Variants in MYT1L observed in about 807,000 individuals in gnomAD.
MYT1L encodes myelin transcription factor 1 like, also known as myelin transcription factor 1-like protein.
MYT1L carries 12 observed loss-of-function variants against 126.7 expected under a neutral mutation model. The observed-to-expected ratio is 0.09, with a 90% CI of 0.06 to 0.15. The LOEUF is 0.15. MYT1L is among the 10% of genes least tolerant of loss of function. The probability of loss-of-function intolerance (pLI) is 1.00; values close to 1 mark genes in which losing one functional copy is unlikely to be tolerated. For missense variants in MYT1L, 979 were observed against 1,585.2 expected (o/e 0.62, Z 6.49); for synonymous variants, 541 against 604.2 (o/e 0.90, Z 1.53).
rs910352993 is a variant in MYT1L at position 1,922,493 on chromosome 2, T to C, written c.1276A>G (p.Met426Val). ...AGCAGGGTCAGGTTCCCCTTGGTCA[T>C]GTCGAACACCTCTTCAGACCTGTCC... The part of the protein sequence containing the change: ...NSDRSEEVFD[M>V]TKGNLTLLEK... The change falls in exon 10 of 25, where the codon ATG becomes GTG. Residue 426 changes from methionine (M) to valine (V), a missense_variant. This residue lies in a region of MYT1L where 243 missense variants were observed against 363.9 expected (regional missense o/e 0.67). Coordinates refer to ENST00000647738, the MANE Select transcript of MYT1L (RefSeq NM_001303052.2). This position sits in a 1 kb window ranked among gnomAD's most constrained non-coding sequence, Gnocchi z 7.4. The C allele has an allele frequency of 1.9e-6, 3 of 1,613,982 alleles. No individual in the cohort carries two copies. Among genetic ancestry groups the C allele is most frequent in the East Asian group, 2.2e-5 (1 of 44,868 alleles).
Position 1,903,085 on chromosome 2 carries a change from T to G in MYT1L, c.2027A>C (p.Asp676Ala), listed in dbSNP as rs2050566172. The G allele has an allele frequency of 1.2e-6, 2 of 1,612,780 alleles. No individual in the cohort carries two copies. The highest frequency in any genetic ancestry group is 2.7e-5 in the African/African-American group (2 of 74,912). The change falls in exon 14 of 25, where the codon GAT (aspartate) becomes GCT (alanine). Residue 676 changes from aspartate (D) to alanine (A), a missense_variant. Transcript: ENST00000647738. ...QTRDISPKGY[D>A]DAKRYCKDPS... ...TAAGAGTGTGCACCTCCTACCATCA[T>G]CATATCCTTTGGGGGATATATCCCT... is the stretch of plus-strand genomic sequence containing the variant.
intron 3 of MYT1L, among the ~76,000 whole-genome samples, chr2:2,071,300 A>G (rs1448410570): frequency 6.6e-6 from 1 of 152,200 alleles, no homozygotes; most frequent in East Asian, 1.9e-4. Context: ...TAATAATGAG[A>G]TTAGGATAAT....
chr2:2,045,076 G>T (rs2068014339), intron 4 of MYT1L, among the ~76,000 whole-genome samples: 1 of 152,166 alleles, frequency 6.6e-6, no homozygotes, highest in African/African-American at 2.4e-5. Context: ...CCTGATAATA[G>T]ACCAAGGGCA....
At position 2,224,540 on chromosome 2, in the gene MYT1L, C is replaced by T. The variant is rs2093960224; in HGVS notation, c.-420-51552G>A. Reference sequence around the variant, plus strand: ...CCATTAAGAAAATAAATGTTTCAGGCTGGGCACGGTGGCTGAAGCCTGTAA... The same window carrying T: ...CCATTAAGAAAATAAATGTTTCAGGTTGGGCACGGTGGCTGAAGCCTGTAA... On this transcript the variant is annotated intron_variant, in intron 2 of 24. Coordinates refer to ENST00000647738, the MANE Select transcript of MYT1L (RefSeq NM_001303052.2). The surrounding 1 kb of genome is among the most constrained non-coding windows in gnomAD (Gnocchi z 4.0). 6.6e-6 allele frequency among the ~76,000 whole-genome samples: 1 copy of T among 152,140 alleles called. No individual in the cohort carries two copies. Among genetic ancestry groups the T allele is most frequent in the African/African-American group, 2.4e-5 (1 of 41,442 alleles).
intron 4 of MYT1L, among the ~76,000 whole-genome samples, chr2:2,001,906 G>T (rs143314157): frequency 2.0e-4 from 31 of 152,282 alleles, no homozygotes; most frequent in Middle Eastern, 3.4e-3. Flanking sequence ...TTGCTCAGAG[G>T]TGGGGGGGTC....
intron 13 of MYT1L, among the ~76,000 whole-genome samples, chr2:1,907,813 T>G (rs1279703075): frequency 6.6e-6 from 1 of 152,268 alleles, no homozygotes; most frequent in Non-Finnish European, 1.5e-5. Context: ...GGAGACCCTG[T>G]GGGGAATACA....
At chr2:2,089,841 T>C (rs1026675572) in intron 3 of MYT1L, among the ~76,000 whole-genome samples, 8 of 152,212 alleles carry the variant, frequency 5.3e-5, no homozygotes, top group Non-Finnish European at 8.8e-5. Flanking sequence ...ATTCATTAAA[T>C]AGCCTTGGAC....
At chr2:2,200,157 G>A (rs1246763822) in intron 2 of MYT1L, among the ~76,000 whole-genome samples, 2 of 152,164 alleles carry the variant, frequency 1.3e-5, no homozygotes, top group Non-Finnish European at 2.9e-5. Flanking sequence ...GGCTGCTCGA[G>A]AGGTCCATGA....
At chr2:2,058,457 T>C (rs759961768) in intron 3 of MYT1L, among the ~76,000 whole-genome samples, 2 of 152,222 alleles carry the variant, frequency 1.3e-5, no homozygotes, top group African/African-American at 2.4e-5. Flanking sequence ...CCCTTGTGGA[T>C]TATGTGTGTG....
At chr2:1,949,903 T>C (rs184464177) in intron 8 of MYT1L, among the ~76,000 whole-genome samples, 45 of 152,330 alleles carry the variant, frequency 3.0e-4, no homozygotes, top group Admixed American at 9.1e-4. Context: ...ATAGCCTCCA[T>C]TGGGTCAATG....
At chr2:1,997,743 T>C (rs1192029807) in intron 4 of MYT1L, among the ~76,000 whole-genome samples, 2 of 152,176 alleles carry the variant, frequency 1.3e-5, no homozygotes, top group East Asian at 1.9e-4. Flanking sequence ...TGTGGCAGCA[T>C]CATGGAGGAG....
rs200666062 is a variant in MYT1L at position 2,009,149 on chromosome 2, G to GTT, written c.-157-11804_-157-11803dup. ...CCAACTTTGTTTTTCCTTCTCAGTG[G>GTT]TTTTTTTTTTCTTTTTTTCCTGGCT... is the stretch of plus-strand genomic sequence containing the variant. On this transcript the variant is annotated intron_variant, in intron 4 of 24. Transcript: ENST00000647738. 4.2e-4 allele frequency among the ~76,000 whole-genome samples: 61 copies of GTT among 145,136 alleles called. 1 individual carries two copies. Among genetic ancestry groups the GTT allele is most frequent in the Admixed American group, 1.7e-3 (25 of 14,594 alleles).
At chr2:1,933,331 G>A (rs1251822131) in intron 9 of MYT1L, among the ~76,000 whole-genome samples, 1 of 152,112 alleles carries the variant, frequency 6.6e-6, no homozygotes, top group East Asian at 1.9e-4. Context: ...AAGTTCAGGC[G>A]ACACAGATTC....
At chr2:2,003,539 CCTG>C (rs931949748) in intron 4 of MYT1L, among the ~76,000 whole-genome samples, 11 of 152,264 alleles carry the variant, frequency 7.2e-5, no homozygotes, top group South Asian at 4.1e-4. Context: ...GGCCTGTGGG[CCTG>C]CTGCTGCTTC....
chr2:1,814,088 G>T (rs1319883404), intron 21 of MYT1L, among the ~76,000 whole-genome samples: 1 of 150,542 alleles, frequency 6.6e-6, no homozygotes, highest in Non-Finnish European at 1.5e-5. Context: ...TGTGCCAAAA[G>T]GTTGGGGGCC....
At chr2:2,135,273 A>C (rs1461900804) in intron 3 of MYT1L, among the ~76,000 whole-genome samples, 1 of 152,118 alleles carries the variant, frequency 6.6e-6, no homozygotes, top group Non-Finnish European at 1.5e-5. Context: ...AATAAGTCTC[A>C]GGAGACCTGA....
At position 2,173,945 on chromosome 2, in the gene MYT1L, G is replaced by A. The variant is rs191428469; in HGVS notation, c.-420-957C>T. ...TGATAGCCAGAGTGCTTAGCAAGTG[G>A]AACTTGAAATAAGATAACACAAGAT... On this transcript the variant is annotated intron_variant, in intron 2 of 24. Coordinates refer to ENST00000647738, the MANE Select transcript of MYT1L (RefSeq NM_001303052.2). Among the ~76,000 whole-genome samples, 12 of 152,272 alleles carry A rather than the reference G, an allele frequency of 7.9e-5. No individual in the cohort carries two copies. The East Asian group carries it at 2.3e-3, about 29-fold the overall frequency.
rs548359957 is a variant in MYT1L at position 2,084,917 on chromosome 2, C to G, written c.-303-30794G>C. Among the ~76,000 whole-genome samples, 8 of 152,296 alleles carry G rather than the reference C, an allele frequency of 5.3e-5. No homozygotes were observed. The East Asian group carries it at 1.5e-3, about 29-fold the overall frequency. On this transcript the variant is annotated intron_variant, in intron 3 of 24. Coordinates refer to ENST00000647738, the MANE Select transcript of MYT1L (RefSeq NM_001303052.2). ...GGTTATTATCTGACAGATGTGCACT[C>G]AGCGCAGCCATGTGACAAAGCCCAT... is the stretch of plus-strand genomic sequence containing the variant.
chr2:2,245,747 G>T (rs769534620), intron 2 of MYT1L, among the ~76,000 whole-genome samples: 1 of 152,076 alleles, frequency 6.6e-6, no homozygotes, highest in Non-Finnish European at 1.5e-5. Flanking sequence ...CTTTCACATA[G>T]GCAGTGGAGC....
Sources: gnomAD v4.1 joint callset for allele counts (sites outside exome capture counted in the v4.1 genomes callset) on GRCh38, gnomAD v4.1.1 for gene constraint, gnomAD v4.1.1 regional missense constraint, Gnocchi (gnomAD v3.1) non-coding constraint, MANE v1.5 for transcripts, NCBI Gene and HGNC (gene_info 2026-07-23, HGNC 2026-07-21) for gene names.